Variants in OXT observed in about 807,000 individuals in gnomAD.
OXT encodes oxytocin/neurophysin I prepropeptide, also known as oxytocin-neurophysin 1 proprotein.
In OXT, 9 loss-of-function variants were observed where a neutral mutation model predicts 11.2. The observed-to-expected ratio is 0.80, with a 90% CI of 0.49 to 1.40. The LOEUF (loss-of-function observed/expected upper bound fraction) is 1.40, where lower values mean the gene tolerates loss of function less well. Among genes scored for constraint, OXT ranks in the 40% most tolerant of loss-of-function variants. The probability of loss-of-function intolerance (pLI) is 0.00; values close to 1 mark genes in which losing one functional copy is unlikely to be tolerated. For missense variants in OXT, 175 were observed against 178.7 expected (o/e 0.98, Z 0.12); for synonymous variants, 76 against 80.9 (o/e 0.94, Z 0.33).
In OXT at chr20:3,072,364, C is replaced by T. The variant is rs753801172; in HGVS notation, c.324C>T (p.Asp108=). Residue 108 remains aspartate, a splice_region_variant and synonymous_variant, in exon 3 of 3, where the codon GAC becomes GAT. Transcript: ENST00000217386. ...CCCTGACTCCACCTCTTCCTCCAGACGGCTGCCACGCCGACCCTGCCTGCG... is the reference window on the plus strand; with the variant it reads ...CCCTGACTCCACCTCTTCCTCCAGATGGCTGCCACGCCGACCCTGCCTGCG... ...CAVLGLCCSP[D]GCHADPACDA... is the part of the protein sequence containing the mutation. 5.6e-6 allele frequency: 9 copies of T among 1,610,156 alleles called. No homozygotes were observed. Among genetic ancestry groups the T allele is most frequent in the South Asian group, 5.5e-5 (5 of 91,090 alleles).
chr20:3,071,893 C>G lies in OXT; in HGVS notation c.120+118C>G, dbSNP rs1261575408. On this transcript the variant is annotated intron_variant, in intron 1 of 2. Coordinates refer to ENST00000217386, the MANE Select transcript of OXT (RefSeq NM_000915.4). This position sits in a 1 kb window ranked among gnomAD's most constrained non-coding sequence, Gnocchi z 4.8. ...CAGGAGCTGAGCGGATTTTGACGCCCCGCCCTTGACCGCGGTCGAGGCCCC... is the reference window on the plus strand; with the variant it reads ...CAGGAGCTGAGCGGATTTTGACGCCGCGCCCTTGACCGCGGTCGAGGCCCC... The G allele has an allele frequency of 7.2e-7, 1 of 1,387,736 alleles. No individual in the cohort carries two copies. Among genetic ancestry groups the G allele is most frequent in the East Asian group, 2.7e-5 (1 of 37,112 alleles). The allele number at this position is 1,387,736 out of a possible 1,614,324, so 86.0% of individuals were successfully genotyped here. A position where few individuals can be genotyped will look rare whatever the true frequency, so the allele number is the denominator to read the frequency against.
Position 3,071,850 on chromosome 20 carries a change from G to T in OXT, c.120+75G>T. On this transcript the variant is annotated intron_variant, in intron 1 of 2. Transcript: ENST00000217386. This position sits in a 1 kb window ranked among gnomAD's most constrained non-coding sequence, Gnocchi z 4.8. ...CAGCCACAGGGGCGCGCCCCGCTCC[G>T]GCCTCGCCTGAGAACTCCAGGAGCT... 6.7e-7 allele frequency: 1 copy of T among 1,492,046 alleles called. No individual in the cohort carries two copies. The highest frequency in any genetic ancestry group is 8.9e-7 in the Non-Finnish European group (1 of 1,126,824). 92.4% of individuals were successfully genotyped at this position (1,492,046 alleles called of 1,614,324 possible).
In OXT at chr20:3,072,448, G is replaced by T. The variant is rs2066081317; in HGVS notation, c.*30G>T. 2 of 1,609,174 alleles carry T rather than the reference G, an allele frequency of 1.2e-6. No homozygotes were observed. The highest frequency in any genetic ancestry group is 2.2e-5 in the East Asian group (1 of 44,858). On this transcript the variant is annotated 3_prime_UTR_variant, in exon 3 of 3. Transcript: ENST00000217386. ...TGATGGCTCCGAACACCCTCGAAGC[G>T]CGCCACTCGCTTCCCCCATAGCCAC... is the stretch of plus-strand genomic sequence containing the variant.
rs2066079343 is a variant in OXT, at chr20:3,072,233, G to A, written c.277G>A (p.Gly93Arg). Reference protein sequence around the residue: ...SPCQSGQKACGSGGRCAVLGL... With the variant: ...SPCQSGQKACRSGGRCAVLGL... Reference sequence around the variant, plus strand: ...CTGCCAGTCCGGCCAGAAGGCGTGCGGGAGCGGGGGCCGCTGCGCGGTCTT... The same window carrying A: ...CTGCCAGTCCGGCCAGAAGGCGTGCAGGAGCGGGGGCCGCTGCGCGGTCTT... Residue 93 changes from glycine to arginine, a missense_variant, in exon 2 of 3, where the codon GGG becomes AGG. Transcript: ENST00000217386. The A allele has an allele frequency of 2.5e-6, 4 of 1,595,230 alleles. No individual in the cohort carries two copies. Among genetic ancestry groups the A allele is most frequent in the South Asian group, 2.2e-5 (2 of 90,386 alleles).
At position 3,072,071 on chromosome 20, in the gene OXT, C is replaced by A. The variant is rs2066078191; in HGVS notation, c.121-6C>A. On this transcript the variant is annotated splice_region_variant and splice_polypyrimidine_tract_variant and intron_variant, in intron 1 of 2. Coordinates refer to ENST00000217386, the MANE Select transcript of OXT (RefSeq NM_000915.4). ...CGGCTCCCGCTCACCCCGCCCGTCC[C>A]CGCAGTGCCTCCCCTGCGGCCCCGG... is the stretch of plus-strand genomic sequence containing the variant. 5 of 1,519,964 alleles carry A rather than the reference C, an allele frequency of 3.3e-6. No individual in the cohort carries two copies. The East Asian group carries it at 1.3e-4, about 40-fold the overall frequency. The allele number at this position is 1,519,964 out of a possible 1,614,324, so 94.2% of individuals were successfully genotyped here. A position where few individuals can be genotyped will look rare whatever the true frequency, so the allele number is the denominator to read the frequency against.
At position 3,072,275 on chromosome 20, in the gene OXT, C is replaced by A; in HGVS notation, c.319C>A (p.Pro107Thr). ...CGCGGTCTTGGGCCTCTGCTGCAGC[C>A]CGGGTGAGCGGGGCAAGGCGCTCCG... ...RCAVLGLCCS[P>T]DGCHADPACD... The change falls in exon 2 of 3, where the codon CCG (proline) becomes ACG (threonine). Residue 107 changes from proline (P) to threonine (T), a missense_variant. Coordinates refer to ENST00000217386, the MANE Select transcript of OXT (RefSeq NM_000915.4). 3 of 1,595,994 alleles carry A rather than the reference C, an allele frequency of 1.9e-6. No homozygotes were observed. The highest frequency in any genetic ancestry group is 2.5e-6 in the Non-Finnish European group (3 of 1,177,198).
chr20:3,071,820 A>C lies in OXT; in HGVS notation c.120+45A>C. ...CCCGCGGCGCTCCGGGGAGGGAGGG[A>C]CCCGCAGCCACAGGGGCGCGCCCCG... On this transcript the variant is annotated intron_variant, in intron 1 of 2. Coordinates refer to ENST00000217386, the MANE Select transcript of OXT (RefSeq NM_000915.4). The surrounding 1 kb of genome is among the most constrained non-coding windows in gnomAD (Gnocchi z 4.8). 6.5e-7 allele frequency: 1 copy of C among 1,529,040 alleles called. No individual in the cohort carries two copies. The highest frequency in any genetic ancestry group is 8.7e-7 in the Non-Finnish European group (1 of 1,144,488). 94.7% of individuals were successfully genotyped at this position (1,529,040 alleles called of 1,614,324 possible).
In OXT at chr20:3,071,666, C is replaced by G; in HGVS notation, c.11C>G (p.Pro4Arg). Residue 4 changes from proline to arginine, a missense_variant, in exon 1 of 3, where the codon CCC (proline) becomes CGC (arginine). Transcript: ENST00000217386. The surrounding 1 kb of genome is among the most constrained non-coding windows in gnomAD (Gnocchi z 4.8). MAG[P>R]SLACCLLGLL... Reference sequence around the variant, plus strand: ...CAGCGCACCCGCACCATGGCCGGCCCCAGCCTCGCTTGCTGTCTGCTCGGC... The same window carrying G: ...CAGCGCACCCGCACCATGGCCGGCCGCAGCCTCGCTTGCTGTCTGCTCGGC... 4 of 1,601,878 alleles carry G rather than the reference C, an allele frequency of 2.5e-6. 1 individual carries two copies. Among genetic ancestry groups the G allele is most frequent in the Non-Finnish European group, 3.4e-6 (4 of 1,177,934 alleles).
chr20:3,071,996 CA>C lies in OXT; in HGVS notation c.121-80del. On this transcript the variant is annotated intron_variant, in intron 1 of 2. Transcript: ENST00000217386. The surrounding 1 kb of genome is among the most constrained non-coding windows in gnomAD (Gnocchi z 4.8). The stretch of plus-strand genomic sequence containing the variant: ...CGGACCCCAGCATCCTTGCCCGGCG[CA>C]CCCCGGCCGGCCTCGCAGGGTCCTC... The C allele has an allele frequency of 7.2e-7, 1 of 1,386,784 alleles. No individual in the cohort carries two copies. Among genetic ancestry groups the C allele is most frequent in the South Asian group, 1.6e-5 (1 of 62,984 alleles). The allele number at this position is 1,386,784 out of a possible 1,614,324, so 85.9% of individuals were successfully genotyped here. A position where few individuals can be genotyped will look rare whatever the true frequency, so the allele number is the denominator to read the frequency against.
Position 3,071,843 on chromosome 20 carries a change from C to A in OXT, c.120+68C>A. The A allele has an allele frequency of 6.7e-7, 1 of 1,503,088 alleles. No individual in the cohort carries two copies. Among genetic ancestry groups the A allele is most frequent in the South Asian group, 1.3e-5 (1 of 79,128 alleles). 93.1% of individuals were successfully genotyped at this position (1,503,088 alleles called of 1,614,324 possible). A position where few individuals can be genotyped will look rare whatever the true frequency, so the allele number is the denominator to read the frequency against. Reference sequence around the variant, plus strand: ...GGACCCGCAGCCACAGGGGCGCGCCCCGCTCCGGCCTCGCCTGAGAACTCC... The same window carrying A: ...GGACCCGCAGCCACAGGGGCGCGCCACGCTCCGGCCTCGCCTGAGAACTCC... On this transcript the variant is annotated intron_variant, in intron 1 of 2. Transcript: ENST00000217386. This position sits in a 1 kb window ranked among gnomAD's most constrained non-coding sequence, Gnocchi z 4.8.
intron 2 of OXT, 31 bp from the exon 3 acceptor site, chr20:3,072,332 G>A (rs775999284): frequency 1.2e-6 from 2 of 1,604,492 alleles, no homozygotes; most frequent in South Asian, 2.2e-5. Flanking sequence ...GGGTGCGGCC[G>A]GGATTCCCCT....
rs757875451 is a variant in OXT, at chr20:3,072,209, T to A, written c.253T>A (p.Cys85Ser). The part of the protein sequence containing the change: ...CQEENYLPSP[C>S]QSGQKACGSG... ...GGAGGAGAACTACCTGCCGTCGCCC[T>A]GCCAGTCCGGCCAGAAGGCGTGCGG... Residue 85 changes from cysteine (C) to serine (S), a missense_variant, in exon 2 of 3, where the codon TGC (cysteine) becomes AGC (serine). By Grantham distance (112) the Cys-to-Ser change is moderately radical. Coordinates refer to ENST00000217386, the MANE Select transcript of OXT (RefSeq NM_000915.4). 6.3e-7 allele frequency: 1 copy of A among 1,597,102 alleles called. No homozygotes were observed. Among genetic ancestry groups the A allele is most frequent in the Non-Finnish European group, 8.5e-7 (1 of 1,177,970 alleles).
At position 3,071,910 on chromosome 20, in the gene OXT, C is replaced by T; in HGVS notation, c.120+135C>T. ...TTGACGCCCCGCCCTTGACCGCGGTCGAGGCCCCCACGGCGCCCCAGCGCG... is the reference window on the plus strand; with the variant it reads ...TTGACGCCCCGCCCTTGACCGCGGTTGAGGCCCCCACGGCGCCCCAGCGCG... On this transcript the variant is annotated intron_variant, in intron 1 of 2. Transcript: ENST00000217386. This position sits in a 1 kb window ranked among gnomAD's most constrained non-coding sequence, Gnocchi z 4.8. 1 of 1,362,332 alleles carries T rather than the reference C, an allele frequency of 7.3e-7. No individual in the cohort carries two copies. The highest frequency in any genetic ancestry group is 1.6e-5 in the South Asian group (1 of 63,830). 84.4% of individuals were successfully genotyped at this position (1,362,332 alleles called of 1,614,324 possible).
Position 3,072,235 on chromosome 20 carries a change from G to A in OXT, c.279G>A (p.Gly93=), listed in dbSNP as rs781195575. 6.3e-7 allele frequency: 1 copy of A among 1,595,234 alleles called. No homozygotes were observed. Among genetic ancestry groups the A allele is most frequent in the South Asian group, 1.1e-5 (1 of 90,396 alleles). Residue 93 remains glycine, a synonymous_variant, in exon 2 of 3, where the codon GGG becomes GGA. Transcript: ENST00000217386. The part of the protein sequence containing the change: ...SPCQSGQKAC[G]SGGRCAVLGL... ...GCCAGTCCGGCCAGAAGGCGTGCGGGAGCGGGGGCCGCTGCGCGGTCTTGG... is the reference window on the plus strand; with the variant it reads ...GCCAGTCCGGCCAGAAGGCGTGCGGAAGCGGGGGCCGCTGCGCGGTCTTGG...
chr20:3,072,275 C>G lies in OXT; in HGVS notation c.319C>G (p.Pro107Ala). ...CGCGGTCTTGGGCCTCTGCTGCAGCCCGGGTGAGCGGGGCAAGGCGCTCCG... is the reference window on the plus strand; with the variant it reads ...CGCGGTCTTGGGCCTCTGCTGCAGCGCGGGTGAGCGGGGCAAGGCGCTCCG... ...RCAVLGLCCSPDGCHADPACD... is the reference protein window; with the variant it reads ...RCAVLGLCCSADGCHADPACD... The change falls in exon 2 of 3, where the codon CCG (proline) becomes GCG (alanine). Residue 107 changes from proline to alanine, a missense_variant. Coordinates refer to ENST00000217386, the MANE Select transcript of OXT (RefSeq NM_000915.4). 1 of 1,595,994 alleles carries G rather than the reference C, an allele frequency of 6.3e-7. No homozygotes were observed. Among genetic ancestry groups the G allele is most frequent in the Non-Finnish European group, 8.5e-7 (1 of 1,177,198 alleles).
At chr20:3,072,339 C>T in intron 2 of OXT, 24 bp from the exon 3 acceptor site, 7 of 1,606,342 alleles carry the variant, frequency 4.4e-6, no homozygotes, top group Non-Finnish European at 5.9e-6. Context: ...GCCGGGATTC[C>T]CCTGACTCCA....
In OXT at chr20:3,072,408, C is replaced by T. The variant is rs760462577; in HGVS notation, c.368C>T (p.Ser123Phe). 2 of 1,612,926 alleles carry T rather than the reference C, an allele frequency of 1.2e-6. No homozygotes were observed. The highest frequency in any genetic ancestry group is 2.2e-5 in the East Asian group (1 of 44,882). The change falls in exon 3 of 3, where the codon TCC becomes TTC. Residue 123 changes from serine (S) to phenylalanine (F), a missense_variant. Coordinates refer to ENST00000217386, the MANE Select transcript of OXT (RefSeq NM_000915.4). ...GCCTGCGACGCGGAAGCCACCTTCT[C>T]CCAGCGCTGAAACTTGATGGCTCCG... ...DPACDAEATF[S>F]QR
Position 3,071,942 on chromosome 20 carries a change from C to T in OXT, c.121-135C>T. On this transcript the variant is annotated intron_variant, in intron 1 of 2. Coordinates refer to ENST00000217386, the MANE Select transcript of OXT (RefSeq NM_000915.4). The surrounding 1 kb of genome is among the most constrained non-coding windows in gnomAD (Gnocchi z 4.8). Reference sequence around the variant, plus strand: ...CCCACGGCGCCCCAGCGCGTCTCAGCCCCGCTGTCCCGCCCGAACTCCGAA... The same window carrying T: ...CCCACGGCGCCCCAGCGCGTCTCAGTCCCGCTGTCCCGCCCGAACTCCGAA... The T allele has an allele frequency of 7.4e-7, 1 of 1,344,224 alleles. No individual in the cohort carries two copies. The highest frequency in any genetic ancestry group is 9.7e-7 in the Non-Finnish European group (1 of 1,032,960). The allele number at this position is 1,344,224 out of a possible 1,614,324, so 83.3% of individuals were successfully genotyped here.
rs1466364830 is a variant in OXT, at chr20:3,072,211, C to T, written c.255C>T (p.Cys85=). The T allele has an allele frequency of 6.3e-7, 1 of 1,596,712 alleles. No individual in the cohort carries two copies. Among genetic ancestry groups the T allele is most frequent in the Admixed American group, 1.7e-5 (1 of 59,710 alleles). ...AGGAGAACTACCTGCCGTCGCCCTG[C>T]CAGTCCGGCCAGAAGGCGTGCGGGA... is the stretch of plus-strand genomic sequence containing the variant. ...CQEENYLPSP[C]QSGQKACGSG... The change falls in exon 2 of 3, where the codon TGC becomes TGT. Residue 85 remains cysteine, a synonymous_variant. Coordinates refer to ENST00000217386, the MANE Select transcript of OXT (RefSeq NM_000915.4).
Sources: gnomAD v4.1 joint callset for allele counts on GRCh38, gnomAD v4.1.1 for gene constraint, Gnocchi (gnomAD v3.1) non-coding constraint, MANE v1.5 for transcripts, NCBI Gene and HGNC (gene_info 2026-07-23, HGNC 2026-07-21) for gene names.